Variants in ABCC4 observed in about 807,000 individuals in gnomAD.
The protein encoded by ABCC4 is ATP-binding cassette sub-family C member 4.
ABCC4 carries 102 observed loss-of-function variants against 168.5 expected under a neutral mutation model. The ratio of observed to expected loss-of-function variants is 0.61; its 90% CI spans 0.52 to 0.71. The LOEUF (loss-of-function observed/expected upper bound fraction) is 0.71. Among genes scored for constraint, ABCC4 ranks in the 30% least tolerant of loss-of-function variants. The probability of loss-of-function intolerance (pLI) is 0.00; values close to 1 mark genes in which losing one functional copy is unlikely to be tolerated. For missense variants in ABCC4, 1,402 were observed against 1,605.8 expected (o/e 0.87, Z 2.17); for synonymous variants, 617 against 590.7 (o/e 1.04, Z -0.65).
intron 19 of ABCC4, among the ~76,000 whole-genome samples, chr13:95,147,512 T>G (rs956246676): frequency 3.9e-5 from 6 of 152,204 alleles, no homozygotes; most frequent in Non-Finnish European, 7.3e-5. Flanking sequence ...AACCACAGAC[T>G]GTCTCTAAAA....
intron 19 of ABCC4, among the ~76,000 whole-genome samples, chr13:95,151,716 C>T (rs989355308): frequency 1.3e-5 from 2 of 152,160 alleles, no homozygotes; most frequent in African/African-American, 4.8e-5. Context: ...CCCTTGAAAA[C>T]AGGTACTTTT....
intron 25 of ABCC4, among the ~76,000 whole-genome samples, chr13:95,064,957 C>G (rs1314147438): frequency 1.3e-5 from 2 of 152,166 alleles, no homozygotes; most frequent in African/African-American, 4.8e-5. Flanking sequence ...ATTTTAATTG[C>G]TTTACAATTG....
At chr13:95,271,043 C>T (rs975600231) in intron 1 of ABCC4, among the ~76,000 whole-genome samples, 2 of 152,072 alleles carry the variant, frequency 1.3e-5, no homozygotes, top group African/African-American at 2.4e-5. Flanking sequence ...TGCAGTGAGC[C>T]GAGATCGCGC....
chr13:95,063,759 T>G (rs770097429), intron 25 of ABCC4, among the ~76,000 whole-genome samples: 1 of 152,150 alleles, frequency 6.6e-6, no homozygotes, highest in South Asian at 2.1e-4. Flanking sequence ...GGTAAAAAGG[T>G]GGGGGCAATA....
intron 27 of ABCC4, among the ~76,000 whole-genome samples, chr13:95,044,823 A>G (rs1046564854): frequency 6.6e-6 from 1 of 152,228 alleles, no homozygotes; most frequent in Non-Finnish European, 1.5e-5. Flanking sequence ...TTTTTAGTTA[A>G]AAGATTACAG....
At chr13:95,269,787 T>TA (rs966490227) in intron 1 of ABCC4, among the ~76,000 whole-genome samples, 1 of 152,186 alleles carries the variant, frequency 6.6e-6, no homozygotes, top group African/African-American at 2.4e-5. Context: ...TTCCTACAGA[T>TA]ACATCTGAAA....
chr13:95,296,166 AC>A (rs2041527608), intron 1 of ABCC4, among the ~76,000 whole-genome samples: 7 of 93,722 alleles, frequency 7.5e-5, no homozygotes, highest in Admixed American at 7.3e-4. Flanking sequence ...ACACACACAC[AC>A]ACACACACAC....
chr13:95,220,900 G>T (rs1324249667), intron 4 of ABCC4, among the ~76,000 whole-genome samples: 2 of 152,160 alleles, frequency 1.3e-5, no homozygotes, highest in Admixed American at 6.5e-5. Context: ...GTTGCTCAGA[G>T]CAAGAAGCCA....
chr13:95,148,591 AACACACACACACAC>A (rs55998383), intron 19 of ABCC4, among the ~76,000 whole-genome samples: 29 of 129,708 alleles, frequency 2.2e-4, no homozygotes, highest in South Asian at 2.8e-4. Flanking sequence ...TACCCATCAC[AACACACACACACAC>A]ACACACACAC....
chr13:95,223,982 T>C (rs141728038), intron 4 of ABCC4, among the ~76,000 whole-genome samples: 28 of 151,944 alleles, frequency 1.8e-4, no homozygotes, highest in African/African-American at 6.5e-4. Context: ...TTAATATATA[T>C]GTAATAGGAG....
chr13:95,060,389 T>C (rs559721327), intron 26 of ABCC4, among the ~76,000 whole-genome samples: 3 of 152,364 alleles, frequency 2.0e-5, no homozygotes, highest in East Asian at 3.9e-4. Flanking sequence ...AATCATCTAA[T>C]GTTACTTCTT....
chr13:95,127,756 G>A (rs1247940579), intron 19 of ABCC4, among the ~76,000 whole-genome samples: 1 of 152,094 alleles, frequency 6.6e-6, no homozygotes, highest in African/African-American at 2.4e-5. Flanking sequence ...AAACCAGACT[G>A]TGCAATCATT....
At chr13:95,170,672 G>A (rs1486088499) in intron 13 of ABCC4, 44 bp from the exon 14 acceptor site, 21 of 1,189,914 alleles carry the variant, frequency 1.8e-5, no homozygotes, top group Non-Finnish European at 2.4e-5. Flanking sequence ...CATGAATGGG[G>A]TGCTCCACAT....
chr13:95,247,536 C>G (rs1209471424), intron 2 of ABCC4, 107 bp downstream of exon 2: 15 of 819,094 alleles, frequency 1.8e-5, no homozygotes, highest in Non-Finnish European at 3.0e-5. Flanking sequence ...ACATATTCAC[C>G]TTAAGGGTAA....
chr13:95,123,198 T>C (rs80147384), intron 19 of ABCC4, among the ~76,000 whole-genome samples: 2 of 152,214 alleles, frequency 1.3e-5, no homozygotes, highest in Non-Finnish European at 2.9e-5. Context: ...CAAGTTTTCC[T>C]TCCTCTGGGT....
chr13:95,110,465 C>T (rs1338676768), intron 20 of ABCC4, among the ~76,000 whole-genome samples: 1 of 151,928 alleles, frequency 6.6e-6, no homozygotes, highest in Non-Finnish European at 1.5e-5. Flanking sequence ...CCATATCTCC[C>T]CATCAAATAC....
At chr13:95,196,001 T>C (rs1354529052) in intron 8 of ABCC4, among the ~76,000 whole-genome samples, 2 of 152,314 alleles carry the variant, frequency 1.3e-5, no homozygotes, top group East Asian at 1.9e-4. Context: ...CTCTCGCTTA[T>C]TGCTATTTTC....
chr13:95,065,034 G>T (rs972157289), intron 25 of ABCC4, among the ~76,000 whole-genome samples: 1 of 152,094 alleles, frequency 6.6e-6, no homozygotes, highest in African/African-American at 2.4e-5. Flanking sequence ...ATTTGTACTT[G>T]GATCTCTCTT....
intron 20 of ABCC4, 24 bp from the exon 21 acceptor site, chr13:95,083,314 G>A (rs1349281134): frequency 3.7e-6 from 6 of 1,608,352 alleles, no homozygotes; most frequent in Non-Finnish European, 4.2e-6. Flanking sequence ...AGTAGATGCA[G>A]GTTTTCCTTA....
Sources: gnomAD v4.1 joint callset for allele counts (sites outside exome capture counted in the v4.1 genomes callset) on GRCh38, gnomAD v4.1.1 for gene constraint, MANE v1.5 for transcripts, NCBI Gene and HGNC (gene_info 2026-07-23, HGNC 2026-07-21) for gene names.